Variants in SCUBE1 observed in about 807,000 individuals in gnomAD.
The protein encoded by SCUBE1 is signal peptide, CUB and EGF-like domain-containing protein 1.
A neutral mutation model predicts 124.4 loss-of-function variants in SCUBE1; 59 were observed. The observed-to-expected ratio is 0.47, with a 90% CI of 0.38 to 0.59. SCUBE1 has a LOEUF of 0.59. Among genes scored for constraint, SCUBE1 ranks in the 20% least tolerant of loss-of-function variants. The pLI is 0.00. For synonymous variants in SCUBE1, 545 were observed against 550.9 expected, an observed-to-expected ratio of 0.99 and a Z score of 0.15; for missense variants, 1,150 against 1,371.2, an observed-to-expected ratio of 0.84 and a Z score of 2.55.
In SCUBE1 at chr22:43,269,773, C is replaced by G. The variant is rs142473651; in HGVS notation, c.485-6928G>C. ...CCCCAACCCCGACTCCGCAAGCTGT[C>G]CAAGCCATGCAGGGAAAAACAAACA... On this transcript the variant is annotated intron_variant, in intron 4 of 21. Coordinates refer to ENST00000360835, the MANE Select transcript of SCUBE1 (RefSeq NM_173050.5). Among the ~76,000 whole-genome samples, 10 of 152,264 alleles carry G rather than the reference C, an allele frequency of 6.6e-5. No homozygotes were observed. The East Asian group carries it at 7.7e-4, about 12-fold the overall frequency.
chr22:43,321,833 C>T (rs1342308879), intron 2 of SCUBE1, among the ~76,000 whole-genome samples: 2 of 152,198 alleles, frequency 1.3e-5, no homozygotes, highest in Non-Finnish European at 2.9e-5. Flanking sequence ...CTGCCTCAGC[C>T]TCCCTAGTAG....
At chr22:43,316,458 A>T (rs1926350492) in intron 3 of SCUBE1, among the ~76,000 whole-genome samples, 1 of 152,178 alleles carries the variant, frequency 6.6e-6, no homozygotes, top group Admixed American at 6.5e-5. Context: ...ACAACTAAGA[A>T]AGCCAAGCAC....
chr22:43,236,453 G>A (rs1293016283), intron 7 of SCUBE1, among the ~76,000 whole-genome samples: 1 of 152,234 alleles, frequency 6.6e-6, no homozygotes. Context: ...CTGGCTGTTG[G>A]TCTTCCAGAC....
At chr22:43,209,646 A>C (rs1601794867) in intron 19 of SCUBE1, among the ~76,000 whole-genome samples, 1 of 152,280 alleles carries the variant, frequency 6.6e-6, no homozygotes, top group African/African-American at 2.4e-5. Context: ...CCCAAACCTC[A>C]GCGGGCGGGA....
intron 6 of SCUBE1, among the ~76,000 whole-genome samples, chr22:43,244,534 G>A (rs1345504817): frequency 6.6e-6 from 1 of 152,258 alleles, no homozygotes; most frequent in African/African-American, 2.4e-5. Flanking sequence ...TGAGCTGGGA[G>A]GCGAGGTGGG....
chr22:43,218,990 T>C (rs568928833), intron 14 of SCUBE1, among the ~76,000 whole-genome samples: 3 of 152,364 alleles, frequency 2.0e-5, no homozygotes, highest in African/African-American at 7.2e-5. Flanking sequence ...TCCCTCTGCC[T>C]GAATGCCATT....
At chr22:43,278,552 C>T (rs1049015484) in intron 4 of SCUBE1, among the ~76,000 whole-genome samples, 5 of 152,188 alleles carry the variant, frequency 3.3e-5, no homozygotes, top group Admixed American at 2.0e-4. Flanking sequence ...GAATCCCGTC[C>T]CAGGAGCCAA....
At chr22:43,284,326 G>A (rs904109554) in intron 4 of SCUBE1, among the ~76,000 whole-genome samples, 1 of 152,246 alleles carries the variant, frequency 6.6e-6, no homozygotes, top group African/African-American at 2.4e-5. Flanking sequence ...GAGAAGGGAA[G>A]TGCGTGCCAC....
intron 2 of SCUBE1, among the ~76,000 whole-genome samples, chr22:43,325,034 A>G (rs1249813977): frequency 6.6e-6 from 1 of 150,860 alleles, no homozygotes; most frequent in Admixed American, 6.6e-5. Context: ...GGAGAAGAAT[A>G]CCATGTGAAG....
At chr22:43,237,119 G>A (rs59193740) in intron 7 of SCUBE1, among the ~76,000 whole-genome samples, 4,461 of 151,380 alleles carry the variant, frequency 0.029, 224 homozygotes, top group African/African-American at 0.1. Context: ...GGGGGGGTTG[G>A]GGGGTTGTCT....
At chr22:43,320,214 T>C in intron 2 of SCUBE1, 149 bp from the exon 3 acceptor site, 1 of 947,852 alleles carries the variant, frequency 1.1e-6, no homozygotes, top group South Asian at 1.7e-5. Context: ...GACTCAAGTA[T>C]TATAAAAATG....
chr22:43,280,468 TCCCGTCCCTTCCCCTCACCCATC>T (rs1569009419), intron 4 of SCUBE1, among the ~76,000 whole-genome samples: 160 of 32,674 alleles, frequency 4.9e-3, no homozygotes, highest in Non-Finnish European at 5.5e-3. Context: ...TCACCCATCC[TCCCGTCCCTTCCCCTCACCCATC>T]CCCGTCCCTT....
intron 1 of SCUBE1, among the ~76,000 whole-genome samples, chr22:43,342,428 T>C (rs1927351445): frequency 6.6e-6 from 1 of 152,046 alleles, no homozygotes; most frequent in African/African-American, 2.4e-5. Flanking sequence ...CCCCGTCCTG[T>C]CAGACGGTCC....
intron 4 of SCUBE1, among the ~76,000 whole-genome samples, chr22:43,278,174 G>C (rs966163364): frequency 6.6e-6 from 1 of 152,264 alleles, no homozygotes; most frequent in Non-Finnish European, 1.5e-5. Context: ...GGACCGCACA[G>C]GGCCAGGACA....
Position 43,238,872 on chromosome 22 carries a change from T to G in SCUBE1, c.810A>C (p.Gly270=). Reference sequence around the variant, plus strand: ...TCTTCCCGTCCGGCTGCAGTGTGAATCCAACGGGGCAGCTGCATCGCACGC... The same window carrying G: ...TCTTCCCGTCCGGCTGCAGTGTGAAGCCAACGGGGCAGCTGCATCGCACGC... The part of the protein sequence containing the change: ...ATGVRCSCPV[G]FTLQPDGKTC... The change falls in exon 7 of 22, where the codon GGA becomes GGC. Residue 270 remains glycine, a synonymous_variant. Coordinates refer to ENST00000360835, the MANE Select transcript of SCUBE1 (RefSeq NM_173050.5). 1 of 1,613,206 alleles carries G rather than the reference T, an allele frequency of 6.2e-7. No homozygotes were observed. Among genetic ancestry groups the G allele is most frequent in the Non-Finnish European group, 8.5e-7 (1 of 1,180,014 alleles).
intron 3 of SCUBE1, among the ~76,000 whole-genome samples, chr22:43,314,486 CCT>C (rs1569026864): frequency 3.3e-5 from 5 of 152,122 alleles, no homozygotes; most frequent in African/African-American, 4.8e-5. Context: ...GCAGCACCCC[CCT>C]GACCCCACCA....
chr22:43,278,442 G>C (rs1417729819), intron 4 of SCUBE1, among the ~76,000 whole-genome samples: 3 of 152,192 alleles, frequency 2.0e-5, no homozygotes, highest in Non-Finnish European at 4.4e-5. Flanking sequence ...AGCACTCACA[G>C]TTGATAATGG....
At chr22:43,279,151 T>G (rs1465615276) in intron 4 of SCUBE1, among the ~76,000 whole-genome samples, 1 of 152,070 alleles carries the variant, frequency 6.6e-6, no homozygotes, top group Admixed American at 6.5e-5. Context: ...CCCCAGACGC[T>G]GCTGGGGAGA....
chr22:43,250,556 GT>G (rs1246665647), intron 6 of SCUBE1, among the ~76,000 whole-genome samples: 1 of 152,240 alleles, frequency 6.6e-6, no homozygotes, highest in Non-Finnish European at 1.5e-5. Flanking sequence ...ATCGGACAAG[GT>G]GGAGCAGTTC....
Sources: gnomAD v4.1 joint callset for allele counts (sites outside exome capture counted in the v4.1 genomes callset) on GRCh38, gnomAD v4.1.1 for gene constraint, MANE v1.5 for transcripts, NCBI Gene and HGNC (gene_info 2026-07-23, HGNC 2026-07-21) for gene names.